Variants in HYDIN observed in about 807,000 individuals in gnomAD.
The protein encoded by HYDIN is axonemal central pair apparatus protein HYDIN.
HYDIN carries 132 observed loss-of-function variants against 403.9 expected under a neutral mutation model. The observed-to-expected ratio is 0.33, with a 90% CI of 0.28 to 0.38. HYDIN has a LOEUF of 0.38. HYDIN is among the 10% of genes least tolerant of loss of function. HYDIN has a pLI of 1.00. For missense variants in HYDIN, 2,827 were observed against 5,009.5 expected, an observed-to-expected ratio of 0.56 and a Z score of 13.15; for synonymous variants, 1,202 against 1,891.7, an observed-to-expected ratio of 0.64 and a Z score of 9.46.
intron 8 of HYDIN, chr16:71,131,877 T>G: frequency 6.6e-6 from 1 of 151,878 alleles, no homozygotes; most frequent in Non-Finnish European, 1.5e-5. Context: ...CAGGGAATAT[T>G]AGGGAATAAT....
chr16:70,835,060 C>T (rs1265549115), intron 78 of HYDIN, among the ~76,000 whole-genome samples: 4 of 144,128 alleles, frequency 2.8e-5, no homozygotes, highest in Non-Finnish European at 4.5e-5. Context: ...TGCCGTGGTG[C>T]GATCTCGACT....
intron 1 of HYDIN, among the ~76,000 whole-genome samples, chr16:71,215,271 G>A (rs1296155542): frequency 6.6e-6 from 1 of 151,900 alleles, no homozygotes; most frequent in Non-Finnish European, 1.5e-5. Context: ...GGAGGAAGGA[G>A]GGGGAAGGAA....
chr16:71,071,464 C>G (rs2082466430), intron 13 of HYDIN, among the ~76,000 whole-genome samples: 1 of 151,588 alleles, frequency 6.6e-6, no homozygotes, highest in Non-Finnish European at 1.5e-5. Context: ...GACCTCTATG[C>G]TCCCTTTTAT....
intron 72 of HYDIN, among the ~76,000 whole-genome samples, chr16:70,856,701 T>C (rs2039047223): frequency 6.6e-6 from 1 of 152,258 alleles, no homozygotes; most frequent in Non-Finnish European, 1.5e-5. Context: ...GATTAAACTC[T>C]GTCTCACTGT....
intron 1 of HYDIN, among the ~76,000 whole-genome samples, chr16:71,190,083 A>T (rs1385232419): frequency 6.6e-6 from 1 of 152,176 alleles, no homozygotes; most frequent in African/African-American, 2.4e-5. Flanking sequence ...CCACTGAAAA[A>T]GCCCATAAGC....
chr16:70,891,146 G>A (rs2041439438), intron 57 of HYDIN, among the ~76,000 whole-genome samples: 1 of 152,066 alleles, frequency 6.6e-6, no homozygotes, highest in African/African-American at 2.4e-5. Flanking sequence ...CTCACACCAA[G>A]ATCTACTGGT....
At chr16:70,995,688 G>A (rs2079510253) in intron 23 of HYDIN, among the ~76,000 whole-genome samples, 1 of 152,030 alleles carries the variant, frequency 6.6e-6, no homozygotes, top group Non-Finnish European at 1.5e-5. Context: ...GTGGATGCTG[G>A]ACACCCATTG....
At position 70,981,586 on chromosome 16, in the gene HYDIN, C is replaced by T. The variant is rs2079047771; in HGVS notation, c.4333-18G>A. ...ATAAAGCCCTACGCGGTAGAAAGAC[C>T]AGAAAAGGGAAAACGAATGTGCTAC... On this transcript the variant is annotated intron_variant, in intron 28 of 85. Coordinates refer to ENST00000393567, the MANE Select transcript of HYDIN (RefSeq NM_001270974.2). 1.2e-6 allele frequency: 2 copies of T among 1,605,302 alleles called. No homozygotes were observed. The highest frequency in any genetic ancestry group is 2.2e-5 in the South Asian group (2 of 90,154).
intron 23 of HYDIN, among the ~76,000 whole-genome samples, chr16:70,997,811 G>A (rs1180225288): frequency 2.0e-5 from 3 of 151,912 alleles, no homozygotes; most frequent in Non-Finnish European, 4.4e-5. Context: ...TTCTAGTCAA[G>A]AGTACTGTAG....
rs925822585 is a variant in HYDIN, at chr16:70,802,328, T to C, written c.*5252A>G. On this transcript the variant is annotated 3_prime_UTR_variant, in exon 86 of 86. Coordinates refer to ENST00000393567, the MANE Select transcript of HYDIN (RefSeq NM_001270974.2). ...ATGCATCACTCACATGATTATATTA[T>C]GTAATATCGCAGAAGAGATTTTGCA... 2.0e-5 allele frequency: 3 copies of C among 152,208 alleles called. No homozygotes were observed. Among genetic ancestry groups the C allele is most frequent in the African/African-American group, 7.2e-5 (3 of 41,454 alleles). The allele number at this position is 152,208 out of a possible 1,614,324, so 9.4% of individuals were successfully genotyped here. A position where few individuals can be genotyped will look rare whatever the true frequency, so the allele number is the denominator to read the frequency against.
chr16:70,949,102 T>C (rs1167764550), intron 41 of HYDIN, among the ~76,000 whole-genome samples: 5 of 151,848 alleles, frequency 3.3e-5, no homozygotes, highest in Non-Finnish European at 7.4e-5. Flanking sequence ...ATGTGGCACA[T>C]AGACACCATG....
chr16:71,162,149 G>A (rs1048689645), intron 6 of HYDIN, among the ~76,000 whole-genome samples: 11 of 151,068 alleles, frequency 7.3e-5, no homozygotes, highest in Admixed American at 5.3e-4. Context: ...AATTTGTGTT[G>A]TTTTAAGCTA....
chr16:71,161,882 G>A (rs902101447), intron 6 of HYDIN, among the ~76,000 whole-genome samples: 11 of 151,278 alleles, frequency 7.3e-5, no homozygotes, highest in African/African-American at 1.5e-4. Flanking sequence ...AGCAAACACC[G>A]ATTATACAGC....
intron 23 of HYDIN, among the ~76,000 whole-genome samples, chr16:71,012,479 T>C (rs995400139): frequency 5.1e-4 from 78 of 152,346 alleles, no homozygotes; most frequent in Middle Eastern, 6.8e-3. Context: ...TGTTCTTAGA[T>C]GTGACATGAG....
At chr16:70,808,353 G>A (rs911076200) in intron 85 of HYDIN, among the ~76,000 whole-genome samples, 7 of 152,070 alleles carry the variant, frequency 4.6e-5, no homozygotes, top group Non-Finnish European at 8.8e-5. Context: ...CCTATATTCG[G>A]TTCTTTCCTT....
chr16:71,079,291 T>C (rs1462648274), intron 13 of HYDIN, among the ~76,000 whole-genome samples: 1 of 151,646 alleles, frequency 6.6e-6, no homozygotes, highest in Non-Finnish European at 1.5e-5. Flanking sequence ...TCATTCTTTC[T>C]CCATCTAGCA....
intron 1 of HYDIN, among the ~76,000 whole-genome samples, chr16:71,196,940 G>A (rs766429066): frequency 1.3e-5 from 2 of 152,160 alleles, no homozygotes; most frequent in African/African-American, 2.4e-5. Context: ...ACATAAAAAT[G>A]GGTAACCAGC....
At chr16:71,224,939 T>C (rs2040967088) in intron 1 of HYDIN, among the ~76,000 whole-genome samples, 1 of 152,186 alleles carries the variant, frequency 6.6e-6, no homozygotes, top group South Asian at 2.1e-4. Flanking sequence ...GAGTTGAAGT[T>C]ACTGGTCATG....
At chr16:71,004,325 A>G (rs1183303295) in intron 23 of HYDIN, among the ~76,000 whole-genome samples, 1 of 150,476 alleles carries the variant, frequency 6.6e-6, no homozygotes, top group Non-Finnish European at 1.5e-5. Flanking sequence ...AAAAAAAAAA[A>G]AAAAAAAGGA....
Sources: gnomAD v4.1 joint callset for allele counts (sites outside exome capture counted in the v4.1 genomes callset) on GRCh38, gnomAD v4.1.1 for gene constraint, MANE v1.5 for transcripts, NCBI Gene and HGNC (gene_info 2026-07-23, HGNC 2026-07-21) for gene names.